CC2D2A: variants seen among roughly 807,000 people sequenced by gnomAD.
CC2D2A encodes coiled-coil and C2 domain containing 2A.
CC2D2A carries 155 observed loss-of-function variants against 212.9 expected under a neutral mutation model. The ratio of observed to expected loss-of-function variants is 0.73; its 90% CI spans 0.64 to 0.83. CC2D2A has a LOEUF of 0.83. CC2D2A is among the 40% of genes least tolerant of loss of function. The pLI is 0.00. For synonymous variants in CC2D2A, 667 were observed against 686.5 expected (o/e 0.97, Z 0.44); for missense variants, 1,856 against 1,956.2 (o/e 0.95, Z 0.97).
chr4:15,507,871 A>G (rs1716351518), intron 6 of CC2D2A, among the ~76,000 whole-genome samples: 1 of 152,168 alleles, frequency 6.6e-6, no homozygotes, highest in Non-Finnish European at 1.5e-5. Flanking sequence ...TTCCTGCGAT[A>G]TGGGTACAGT....
chr4:15,583,786 A>G (rs1170218487), intron 30 of CC2D2A, among the ~76,000 whole-genome samples: 1 of 152,018 alleles, frequency 6.6e-6, no homozygotes. Flanking sequence ...CGTCTCTACT[A>G]AAAATACAAA....
chr4:15,587,988 T>A, intron 32 of CC2D2A, 59 bp downstream of exon 32: 4 of 936,940 alleles, frequency 4.3e-6, no homozygotes, highest in Non-Finnish European at 6.7e-6. Flanking sequence ...GAGTTGTGTG[T>A]TCCAGATCAC....
chr4:15,503,010 C>A, intron 6 of CC2D2A, 87 bp downstream of exon 6: 1 of 938,354 alleles, frequency 1.1e-6, no homozygotes, highest in Non-Finnish European at 1.6e-6. Flanking sequence ...CAGAGCTATG[C>A]ACAGAGGAGG....
chr4:15,527,371 C>G, intron 11 of CC2D2A, 76 bp from the exon 12 acceptor site: 1 of 1,095,046 alleles, frequency 9.1e-7, no homozygotes, highest in Non-Finnish European at 1.3e-6. Context: ...TGACCGTTTT[C>G]CCATTGTGGA....
At chr4:15,549,199 A>G (rs1434309070) in intron 17 of CC2D2A, among the ~76,000 whole-genome samples, 1 of 152,180 alleles carries the variant, frequency 6.6e-6, no homozygotes, top group Non-Finnish European at 1.5e-5. Context: ...GCATATTATT[A>G]TTCCTGCATT....
At chr4:15,522,352 C>T (rs1266263566) in intron 11 of CC2D2A, among the ~76,000 whole-genome samples, 5 of 152,174 alleles carry the variant, frequency 3.3e-5, no homozygotes, top group African/African-American at 1.2e-4. Context: ...CCGGCAGGAT[C>T]GACCAACACT....
At chr4:15,542,412 A>T (rs961715314) in intron 17 of CC2D2A, among the ~76,000 whole-genome samples, 1 of 152,056 alleles carries the variant, frequency 6.6e-6, no homozygotes, top group Admixed American at 6.5e-5. Flanking sequence ...ACAGATCCTC[A>T]TCCATCACTT....
chr4:15,558,887 G>A (rs1719424988), intron 21 of CC2D2A, among the ~76,000 whole-genome samples: 1 of 152,146 alleles, frequency 6.6e-6, no homozygotes, highest in African/African-American at 2.4e-5. Flanking sequence ...TAAATTGCTT[G>A]GAAGAGCTTC....
At chr4:15,490,766 C>T (rs568885961) in intron 4 of CC2D2A, among the ~76,000 whole-genome samples, 2 of 152,170 alleles carry the variant, frequency 1.3e-5, no homozygotes, top group African/African-American at 2.4e-5. Context: ...ATGAAAACCA[C>T]AAGCAGACAG....
chr4:15,475,077 C>G (rs1255165163), intron 1 of CC2D2A, among the ~76,000 whole-genome samples: 1 of 152,000 alleles, frequency 6.6e-6, no homozygotes, highest in Non-Finnish European at 1.5e-5. Context: ...AGTTCGAGAC[C>G]CACTTGACCA....
chr4:15,552,307 C>T (rs750666072), intron 18 of CC2D2A, among the ~76,000 whole-genome samples: 37 of 152,206 alleles, frequency 2.4e-4, no homozygotes, highest in Non-Finnish European at 4.9e-4. Context: ...CTGTTCCTCA[C>T]GTCTGTCTTA....
intron 4 of CC2D2A, among the ~76,000 whole-genome samples, chr4:15,490,448 G>C (rs542358738): frequency 6.6e-6 from 1 of 152,228 alleles, no homozygotes; most frequent in South Asian, 2.1e-4. Flanking sequence ...TTTGAGATTC[G>C]TAAGTATTGT....
intron 17 of CC2D2A, among the ~76,000 whole-genome samples, chr4:15,547,986 C>G (rs1718797122): frequency 6.6e-6 from 1 of 151,978 alleles, no homozygotes; most frequent in Non-Finnish European, 1.5e-5. Flanking sequence ...TTGCTGTGAG[C>G]CGAGATCACT....
rs569774576 is a variant in CC2D2A, at chr4:15,591,828, T to C, written c.4314+2149T>C. 2.6e-5 allele frequency among the ~76,000 whole-genome samples: 4 copies of C among 152,330 alleles called. No homozygotes were observed. In the South Asian group the frequency reaches 8.3e-4, roughly 32 times the overall value. On this transcript the variant is annotated intron_variant, in intron 33 of 36. Transcript: ENST00000424120. ...TAACTCTGTTATCTGTCAAAATTATTACCAGCTCTCAAAACAATTACTATA... is the reference window on the plus strand; with the variant it reads ...TAACTCTGTTATCTGTCAAAATTATCACCAGCTCTCAAAACAATTACTATA...
chr4:15,576,902 A>G (rs1278732551), intron 29 of CC2D2A, among the ~76,000 whole-genome samples: 2 of 152,236 alleles, frequency 1.3e-5, no homozygotes, highest in African/African-American at 2.4e-5. Context: ...ACTCTTTGCA[A>G]ATCTATAAAA....
At chr4:15,514,606 TTG>T (rs1716752734) in intron 8 of CC2D2A, 99 bp from the exon 9 acceptor site, 2 of 873,272 alleles carry the variant, frequency 2.3e-6, no homozygotes, top group South Asian at 5.7e-5. Context: ...AAAGATAAAG[TTG>T]TAGGAAATGT....
At chr4:15,591,606 T>C (rs1299895866) in intron 33 of CC2D2A, among the ~76,000 whole-genome samples, 1 of 152,216 alleles carries the variant, frequency 6.6e-6, no homozygotes, top group Non-Finnish European at 1.5e-5. Context: ...CTTCATGTGT[T>C]CAGCAAATAG....
At chr4:15,500,099 G>GTATATATATA (rs71179633) in intron 4 of CC2D2A, among the ~76,000 whole-genome samples, 734 of 69,094 alleles carry the variant, frequency 0.011, 5 homozygotes, top group Non-Finnish European at 0.014. Flanking sequence ...GTGTGTGTGT[G>GTATATATATA]TGTGTGTGTA....
chr4:15,546,169 G>A (rs1718703154), intron 17 of CC2D2A, among the ~76,000 whole-genome samples: 1 of 152,222 alleles, frequency 6.6e-6, no homozygotes, highest in Non-Finnish European at 1.5e-5. Flanking sequence ...AGGGGAGTTG[G>A]AGCCAGGCCA....
Sources: allele counts gnomAD v4.1 joint callset (sites outside exome capture counted in the v4.1 genomes callset), GRCh38; gene constraint gnomAD v4.1.1; transcripts MANE v1.5; gene names NCBI Gene and HGNC (gene_info 2026-07-23, HGNC 2026-07-21).